MTMR6: variants seen among roughly 807,000 people sequenced by gnomAD.
MTMR6 encodes the protein myotubularin related protein 6.
In MTMR6, 47 loss-of-function variants were observed where a neutral mutation model predicts 80.1. The ratio of observed to expected loss-of-function variants is 0.59; its 90% CI spans 0.46 to 0.75. The LOEUF is 0.75. Among genes scored for constraint, MTMR6 ranks in the 30% least tolerant of loss-of-function variants. The pLI is 0.00. For missense variants in MTMR6, 629 were observed against 730.9 expected, an observed-to-expected ratio of 0.86 and a Z score of 1.61; for synonymous variants, 254 against 253.0, an observed-to-expected ratio of 1.00 and a Z score of -0.04.
intron 8 of MTMR6, 89 bp from the exon 9 acceptor site, chr13:25,257,410 C>A: frequency 6.9e-7 from 1 of 1,444,404 alleles, no homozygotes; most frequent in South Asian, 1.3e-5. Flanking sequence ...TATTGTGTTA[C>A]AAGGAAGTGC....
chr13:25,272,040 GT>G (rs1186498095), intron 2 of MTMR6, among the ~76,000 whole-genome samples: 3 of 152,180 alleles, frequency 2.0e-5, no homozygotes, highest in Non-Finnish European at 2.9e-5. Context: ...CATGGAAGAT[GT>G]TTTTATGACA....
intron 8 of MTMR6, 74 bp downstream of exon 8, chr13:25,257,662 C>A: frequency 9.6e-7 from 1 of 1,038,792 alleles, no homozygotes; most frequent in Non-Finnish European, 1.4e-6. Flanking sequence ...TAGATACCAG[C>A]CCCCAACAGA....
Position 25,261,439 on chromosome 13 carries a change from G to A in MTMR6, c.726+229C>T, listed in dbSNP as rs540609661. 2.0e-5 allele frequency among the ~76,000 whole-genome samples: 3 copies of A among 148,022 alleles called. No homozygotes were observed. In the East Asian group the frequency reaches 5.9e-4, roughly 29 times the overall value. Reference sequence around the variant, plus strand: ...TCTCAATATACAATTCAGCTTTCCTGAATTTATATATATCAGAAGATGTAA... The same window carrying A: ...TCTCAATATACAATTCAGCTTTCCTAAATTTATATATATCAGAAGATGTAA... On this transcript the variant is annotated intron_variant, in intron 6 of 13. Coordinates refer to ENST00000381801, the MANE Select transcript of MTMR6 (RefSeq NM_004685.5).
At position 25,287,273 on chromosome 13, in the gene MTMR6, G is replaced by C. The variant is rs774217529; in HGVS notation, c.-26C>G. 1.3e-6 allele frequency: 2 copies of C among 1,587,242 alleles called. No homozygotes were observed. Among genetic ancestry groups the C allele is most frequent in the Non-Finnish European group, 1.7e-6 (2 of 1,169,650 alleles). Reference sequence around the variant, plus strand: ...CGCAAGGAGACGTCAGCCGGCAGCCGGTCTCACAGGCGTACCATACGGCTA... The same window carrying C: ...CGCAAGGAGACGTCAGCCGGCAGCCCGTCTCACAGGCGTACCATACGGCTA... On this transcript the variant is annotated 5_prime_UTR_variant, in exon 1 of 14. Transcript: ENST00000381801.
rs1217932277 is a variant in MTMR6 at position 25,247,354 on chromosome 13, T to C, written c.*1878A>G. On this transcript the variant is annotated 3_prime_UTR_variant, in exon 14 of 14. Coordinates refer to ENST00000381801, the MANE Select transcript of MTMR6 (RefSeq NM_004685.5). ...CACTTCCAAACACACTGAACATAAA[T>C]TCAACTTTATAAGACATATACACAG... 2 of 152,672 alleles carry C rather than the reference T, an allele frequency of 1.3e-5. No homozygotes were observed. Among genetic ancestry groups the C allele is most frequent in the South Asian group, 2.1e-4 (1 of 4,838 alleles). 9.5% of individuals were successfully genotyped at this position (152,672 alleles called of 1,614,324 possible).
chr13:25,253,349 C>A (rs901651099), intron 11 of MTMR6, among the ~76,000 whole-genome samples: 2 of 152,196 alleles, frequency 1.3e-5, no homozygotes, highest in African/African-American at 4.8e-5. Flanking sequence ...AAACTAGCGA[C>A]TGATACATTC....
At chr13:25,264,494 C>T (rs986697405) in intron 5 of MTMR6, among the ~76,000 whole-genome samples, 1 of 152,010 alleles carries the variant, frequency 6.6e-6, no homozygotes, top group African/African-American at 2.4e-5. Flanking sequence ...GTGGCTCACA[C>T]CTGTAATCTT....
At chr13:25,250,055 A>G (rs1957053207) in intron 13 of MTMR6, among the ~76,000 whole-genome samples, 1 of 152,136 alleles carries the variant, frequency 6.6e-6, no homozygotes, top group South Asian at 2.1e-4. Context: ...TGTATTACCT[A>G]TTATCCTGGA....
chr13:25,260,700 T>C, intron 6 of MTMR6: 1 of 1,236,362 alleles, frequency 8.1e-7, no homozygotes, highest in African/African-American at 1.6e-5. Flanking sequence ...ATAACAAAAA[T>C]TAAAAGTAAC....
At chr13:25,275,471 G>T (rs1957698229) in intron 1 of MTMR6, among the ~76,000 whole-genome samples, 1 of 151,984 alleles carries the variant, frequency 6.6e-6, no homozygotes, top group African/African-American at 2.4e-5. Flanking sequence ...TGTACCAGCA[G>T]GTTGCAGACA....
intron 1 of MTMR6, among the ~76,000 whole-genome samples, chr13:25,285,546 T>G (rs1015604574): frequency 2.0e-5 from 3 of 151,640 alleles, no homozygotes; most frequent in Non-Finnish European, 2.9e-5. Context: ...CTTTCTTTTT[T>G]TTTTTTGAGA....
intron 1 of MTMR6, among the ~76,000 whole-genome samples, chr13:25,285,331 A>C (rs1957932014): frequency 6.6e-6 from 1 of 151,288 alleles, no homozygotes; most frequent in Non-Finnish European, 1.5e-5. Flanking sequence ...ACCTAAGAAT[A>C]GGATTTGCTC....
At chr13:25,270,295 GGA>G (rs1957543470) in intron 2 of MTMR6, among the ~76,000 whole-genome samples, 3 of 152,126 alleles carry the variant, frequency 2.0e-5, no homozygotes, top group Admixed American at 1.3e-4. Context: ...GTGAGAAAAA[GGA>G]TATAAGGTTG....
At chr13:25,273,059 T>A (rs1437373610) in intron 2 of MTMR6, among the ~76,000 whole-genome samples, 2 of 152,144 alleles carry the variant, frequency 1.3e-5, no homozygotes, top group Non-Finnish European at 2.9e-5. Flanking sequence ...CTTTCCTTTT[T>A]CTTTATCTGA....
In MTMR6 at chr13:25,248,517, C is replaced by T. The variant is rs575630733; in HGVS notation, c.*715G>A. ...AATGTAGCACTAAACAAATTATGAT[C>T]AGAATAAACCTTCAGTTTCATTAAT... On this transcript the variant is annotated 3_prime_UTR_variant, in exon 14 of 14. Transcript: ENST00000381801. 2 of 152,192 alleles carry T rather than the reference C, an allele frequency of 1.3e-5. No homozygotes were observed. The highest frequency in any genetic ancestry group is 4.8e-5 in the African/African-American group (2 of 41,534). 9.4% of individuals were successfully genotyped at this position (152,192 alleles called of 1,614,324 possible). A position where few individuals can be genotyped will look rare whatever the true frequency, so the allele number is the denominator to read the frequency against.
Position 25,257,314 on chromosome 13 carries a change from G to A in MTMR6, c.977C>T (p.Thr326Ile), listed in dbSNP as rs1449402742. 4 of 1,613,404 alleles carry A rather than the reference G, an allele frequency of 2.5e-6. No homozygotes were observed. The Admixed American group carries it at 6.7e-5, about 27-fold the overall frequency. The change falls in exon 9 of 14, where the codon ACA becomes ATA. Residue 326 changes from threonine to isoleucine, a missense_variant. Coordinates refer to ENST00000381801, the MANE Select transcript of MTMR6 (RefSeq NM_004685.5). ...CACCAACACACTTGCATTTTCAACT[G>A]TTATTGCCTGAAAAGAAAGATCACA... ...DAAIFLAKAI[T>I]VENASVLVHC...
Position 25,274,170 on chromosome 13 carries a change from T to A in MTMR6, c.42A>T (p.Leu14Phe). 6.2e-7 allele frequency: 1 copy of A among 1,606,496 alleles called. No homozygotes were observed. Among genetic ancestry groups the A allele is most frequent in the Non-Finnish European group, 8.5e-7 (1 of 1,175,436 alleles). The change falls in exon 2 of 14, where the codon TTA becomes TTT. Residue 14 changes from leucine to phenylalanine, a missense_variant. Physicochemically the swap from Leu to Phe is conservative, Grantham distance 22 (BLOSUM62 0). Coordinates refer to ENST00000381801, the MANE Select transcript of MTMR6 (RefSeq NM_004685.5). ...IRTTKVEQVK[L>F]LDRFSTSNKS... Reference sequence around the variant, plus strand: ...TGTTGCTGGTACTGAATCGGTCAAGTAATTTTACTTGTTCGACCTAAAAGA... The same window carrying A: ...TGTTGCTGGTACTGAATCGGTCAAGAAATTTTACTTGTTCGACCTAAAAGA...
intron 6 of MTMR6, chr13:25,260,549 A>C: frequency 8.5e-7 from 1 of 1,173,028 alleles, no homozygotes; most frequent in South Asian, 1.4e-5. Flanking sequence ...CTGCCTAAAA[A>C]CCACTTGCGT....
At chr13:25,252,549 T>A (rs567528440) in intron 11 of MTMR6, among the ~76,000 whole-genome samples, 2 of 152,204 alleles carry the variant, frequency 1.3e-5, no homozygotes, top group African/African-American at 2.4e-5. Context: ...CAAGTAAACA[T>A]AATGTAGGTA....
Sources: gnomAD v4.1 joint callset for allele counts (sites outside exome capture counted in the v4.1 genomes callset) on GRCh38, gnomAD v4.1.1 for gene constraint, MANE v1.5 for transcripts, NCBI Gene and HGNC (gene_info 2026-07-23, HGNC 2026-07-21) for gene names.